The following DSCAM variants were observed in gnomAD, a reference collection of about 807,000 sequenced individuals.
DSCAM encodes the protein cell adhesion molecule DSCAM.
In DSCAM, 47 loss-of-function variants were observed where a neutral mutation model predicts 217.7. That is an observed-to-expected ratio of 0.22 (90% CI 0.17 to 0.28). DSCAM has a LOEUF of 0.28. DSCAM is among the 10% of genes least tolerant of loss of function. The pLI is 1.00. For missense variants in DSCAM, 2,080 were observed against 2,618.3 expected, an observed-to-expected ratio of 0.79 and a Z score of 4.49; for synonymous variants, 1,056 against 1,015.3, an observed-to-expected ratio of 1.04 and a Z score of -0.76.
At chr21:40,672,475 A>G (rs2837778) in intron 3 of DSCAM, among the ~76,000 whole-genome samples, 38,548 of 151,936 alleles carry the variant, frequency 0.25, 5,999 homozygotes, top group Admixed American at 0.42. Flanking sequence ...GAAGTCAGTG[A>G]TAAGTCTGAC....
chr21:40,512,154 T>C (rs928966261), intron 3 of DSCAM, among the ~76,000 whole-genome samples: 21 of 152,182 alleles, frequency 1.4e-4, no homozygotes, highest in African/African-American at 5.1e-4. Flanking sequence ...GTAGCAGTGA[T>C]CTTTCCCTTC....
intron 3 of DSCAM, among the ~76,000 whole-genome samples, chr21:40,630,127 G>T (rs879699563): frequency 6.6e-6 from 1 of 152,114 alleles, no homozygotes; most frequent in Non-Finnish European, 1.5e-5. Context: ...AAAGAGAAGG[G>T]CTGTATAAAC....
At chr21:40,300,720 C>A (rs978341227) in intron 9 of DSCAM, among the ~76,000 whole-genome samples, 1 of 152,204 alleles carries the variant, frequency 6.6e-6, no homozygotes, top group Non-Finnish European at 1.5e-5. Context: ...CTGCTCTGTG[C>A]CTGCGCTTCT....
intron 18 of DSCAM, among the ~76,000 whole-genome samples, chr21:40,135,711 G>T (rs2090200756): frequency 6.6e-6 from 1 of 152,210 alleles, no homozygotes; most frequent in African/African-American, 2.4e-5. Flanking sequence ...TATTTTGTGT[G>T]TCCAGGATAT....
At chr21:40,431,940 C>T (rs988055633) in intron 3 of DSCAM, among the ~76,000 whole-genome samples, 4 of 152,186 alleles carry the variant, frequency 2.6e-5, no homozygotes, top group African/African-American at 7.2e-5. Context: ...TGGCTTATGC[C>T]TGTAGTCCCA....
At chr21:40,557,119 T>G (rs1456072121) in intron 3 of DSCAM, among the ~76,000 whole-genome samples, 2 of 152,050 alleles carry the variant, frequency 1.3e-5, no homozygotes, top group Non-Finnish European at 2.9e-5. Context: ...TATATCAATA[T>G]TTACTGCTAT....
chr21:40,719,758 G>GT (rs1601169228), intron 1 of DSCAM, among the ~76,000 whole-genome samples: 1 of 152,164 alleles, frequency 6.6e-6, no homozygotes, highest in Non-Finnish European at 1.5e-5. Flanking sequence ...AATCTATGAT[G>GT]TTGAGAGTCA....
Position 40,144,693 on chromosome 21 carries a change from G to C in DSCAM, c.3057C>G (p.Gly1019=). The C allele has an allele frequency of 6.2e-7, 1 of 1,614,176 alleles. No homozygotes were observed. Among genetic ancestry groups the C allele is most frequent in the Non-Finnish European group, 8.5e-7 (1 of 1,180,028 alleles). The change falls in exon 17 of 33, where the codon GGC becomes GGG. Residue 1019 remains glycine, a synonymous_variant. Coordinates refer to ENST00000400454, the MANE Select transcript of DSCAM (RefSeq NM_001389.5). The surrounding 1 kb of genome is among the most constrained non-coding windows in gnomAD (Gnocchi z 4.8). Reference sequence around the variant, plus strand: ...TGTACTCTCGGTAACCTATTTGGTAGCCACGGATAATCCCATTTTGCAAAT... The same window carrying C: ...TGTACTCTCGGTAACCTATTTGGTACCCACGGATAATCCCATTTTGCAAAT... The part of the protein sequence containing the change: ...KKHLQNGIIR[G]YQIGYREYST...
At chr21:40,821,393 GCACACACACACA>G (rs146285607) in intron 1 of DSCAM, among the ~76,000 whole-genome samples, 8 of 146,236 alleles carry the variant, frequency 5.5e-5, no homozygotes, top group Non-Finnish European at 1.1e-4. Context: ...ACACACGCGC[GCACACACACACA>G]CACACACACA....
At chr21:40,476,196 T>C (rs1218116940) in intron 3 of DSCAM, among the ~76,000 whole-genome samples, 18 of 151,970 alleles carry the variant, frequency 1.2e-4, no homozygotes, top group Admixed American at 9.8e-4. Context: ...TATAGGAGGG[T>C]CCCCATTTGA....
chr21:40,629,219 G>C (rs2089654291), intron 3 of DSCAM, among the ~76,000 whole-genome samples: 1 of 152,136 alleles, frequency 6.6e-6, no homozygotes, highest in Admixed American at 6.6e-5. Flanking sequence ...CAGAGATTGA[G>C]AGTCATGGGT....
intron 3 of DSCAM, among the ~76,000 whole-genome samples, chr21:40,399,834 A>G (rs1249262791): frequency 6.6e-6 from 1 of 152,254 alleles, no homozygotes; most frequent in African/African-American, 2.4e-5. Context: ...AGAGGTACGT[A>G]AAATAATTAT....
At chr21:40,628,189 T>C (rs1054126242) in intron 3 of DSCAM, among the ~76,000 whole-genome samples, 2 of 152,222 alleles carry the variant, frequency 1.3e-5, no homozygotes, top group Non-Finnish European at 2.9e-5. Flanking sequence ...CATACTTCGA[T>C]AGCTTAACTG....
intron 20 of DSCAM, among the ~76,000 whole-genome samples, chr21:40,115,083 T>C (rs1429624874): frequency 6.6e-6 from 1 of 152,156 alleles, no homozygotes; most frequent in African/African-American, 2.4e-5. Context: ...CAAAGGATTA[T>C]AAAACATGCT....
intron 3 of DSCAM, among the ~76,000 whole-genome samples, chr21:40,614,718 C>A (rs564000921): frequency 6.6e-6 from 1 of 152,222 alleles, no homozygotes; most frequent in South Asian, 2.1e-4. Flanking sequence ...TGCTGACTAT[C>A]GTATGAGATG....
At chr21:40,155,047 G>T (rs2090461559) in intron 16 of DSCAM, among the ~76,000 whole-genome samples, 1 of 152,190 alleles carries the variant, frequency 6.6e-6, no homozygotes, top group African/African-American at 2.4e-5. Flanking sequence ...TAAAGTGTAG[G>T]ACAGCTTCCG....
chr21:40,750,527 T>G (rs887657559), intron 1 of DSCAM, among the ~76,000 whole-genome samples: 3 of 152,116 alleles, frequency 2.0e-5, no homozygotes, highest in African/African-American at 7.2e-5. Flanking sequence ...TTTCTCCCTT[T>G]GATCTCACCC....
chr21:40,376,532 GATATCGATATATCTT>G lies in DSCAM; in HGVS notation c.509-7302_509-7288del, dbSNP rs1333161567. 4.3e-3 allele frequency among the ~76,000 whole-genome samples: 373 copies of G among 87,630 alleles called. 25 individuals are homozygous for G. Among genetic ancestry groups the G allele is most frequent in the Middle Eastern group, 0.013 (2 of 152 alleles). 57.5% of individuals were successfully genotyped at this position (87,630 alleles called of 152,430 possible). ...TATCGATATCTATATATCTTATATAGATATCGATATATCTTATATCGATATCTATATATCTTATAT... is the reference window on the plus strand; with the variant it reads ...TATCGATATCTATATATCTTATATAGATATCGATATCTATATATCTTATAT... On this transcript the variant is annotated intron_variant, in intron 3 of 32. Coordinates refer to ENST00000400454, the MANE Select transcript of DSCAM (RefSeq NM_001389.5).
At chr21:40,610,604 A>C (rs1331143014) in intron 3 of DSCAM, among the ~76,000 whole-genome samples, 1 of 152,132 alleles carries the variant, frequency 6.6e-6, no homozygotes, top group Non-Finnish European at 1.5e-5. Context: ...CCCCTCCCCC[A>C]ATAAAAATGC....
Sources: allele counts gnomAD v4.1 joint callset (sites outside exome capture counted in the v4.1 genomes callset), GRCh38; gene constraint gnomAD v4.1.1; non-coding constraint Gnocchi (gnomAD v3.1); transcripts MANE v1.5; gene names NCBI Gene and HGNC (gene_info 2026-07-23, HGNC 2026-07-21).